Variants in POU6F2 observed in about 807,000 individuals in gnomAD.
POU6F2 encodes the protein POU class 6 homeobox 2.
POU6F2 carries 31 observed loss-of-function variants against 71.3 expected under a neutral mutation model. The observed-to-expected ratio is 0.43, with a 90% CI of 0.33 to 0.59. The LOEUF (loss-of-function observed/expected upper bound fraction) is 0.59, where lower values mean the gene tolerates loss of function less well. POU6F2 is among the 20% of genes least tolerant of loss of function. The probability of loss-of-function intolerance (pLI) is 0.04; values close to 1 mark genes in which losing one functional copy is unlikely to be tolerated. For synonymous variants in POU6F2, 347 were observed against 355.7 expected (o/e 0.98, Z 0.27); for missense variants, 783 against 856.8 (o/e 0.91, Z 1.07).
chr7:39,424,218 G>A (rs1787916271), intron 6 of POU6F2, among the ~76,000 whole-genome samples: 1 of 152,148 alleles, frequency 6.6e-6, no homozygotes, highest in African/African-American at 2.4e-5. Context: ...TGGACTTGAG[G>A]TTTCAACATG....
chr7:39,028,558 T>C (rs1273580653), intron 1 of POU6F2, among the ~76,000 whole-genome samples: 1 of 152,096 alleles, frequency 6.6e-6, no homozygotes, highest in Admixed American at 6.5e-5. Flanking sequence ...CTTTTAAAAA[T>C]TATTTATTTA....
At chr7:39,414,024 G>A (rs1303882827) in intron 6 of POU6F2, among the ~76,000 whole-genome samples, 1 of 152,160 alleles carries the variant, frequency 6.6e-6, no homozygotes, top group East Asian at 1.9e-4. Flanking sequence ...CCCACCCGCG[G>A]GCGGAGCCAG....
chr7:39,456,203 T>A (rs1788800877), intron 8 of POU6F2, among the ~76,000 whole-genome samples: 1 of 152,168 alleles, frequency 6.6e-6, no homozygotes, highest in South Asian at 2.1e-4. Flanking sequence ...TCTGAGGATT[T>A]TACCTGAAGT....
intron 7 of POU6F2, among the ~76,000 whole-genome samples, chr7:39,442,758 C>T (rs1788434335): frequency 6.6e-6 from 1 of 152,188 alleles, no homozygotes; most frequent in Admixed American, 6.5e-5. Flanking sequence ...TCTTTTGCTA[C>T]AATCTGCTAA....
At chr7:39,078,341 C>G (rs1791038704) in intron 1 of POU6F2, among the ~76,000 whole-genome samples, 1 of 152,134 alleles carries the variant, frequency 6.6e-6, no homozygotes, top group Non-Finnish European at 1.5e-5. Context: ...CTTGCTAGAC[C>G]ATTAATATTC....
chr7:39,191,488 T>C (rs183684946), intron 2 of POU6F2, among the ~76,000 whole-genome samples: 205 of 150,230 alleles, frequency 1.4e-3, no homozygotes, highest in African/African-American at 4.5e-3. Context: ...CTGTAAGTTA[T>C]AATCAGAGTC....
chr7:39,055,258 T>A (rs1314864751), intron 1 of POU6F2, among the ~76,000 whole-genome samples: 1 of 152,138 alleles, frequency 6.6e-6, no homozygotes, highest in African/African-American at 2.4e-5. Context: ...AGCTAAGCAA[T>A]GCTATGATTT....
intron 4 of POU6F2, among the ~76,000 whole-genome samples, chr7:39,246,986 A>G (rs1783833494): frequency 1.4e-5 from 2 of 138,556 alleles, no homozygotes; most frequent in South Asian, 4.6e-4. Flanking sequence ...ATCTCGGCTC[A>G]CTGCAACCTC....
intron 5 of POU6F2, among the ~76,000 whole-genome samples, chr7:39,356,713 G>A (rs1004100266): frequency 5.3e-5 from 8 of 152,112 alleles, no homozygotes; most frequent in Admixed American, 2.6e-4. Context: ...ATTTCTTGAC[G>A]AAGATAACGA....
intron 6 of POU6F2, 107 bp downstream of exon 6, chr7:39,406,847 CAAAT>C: frequency 7.1e-7 from 1 of 1,417,426 alleles, no homozygotes; most frequent in Non-Finnish European, 9.8e-7. Flanking sequence ...CTATTCGAGG[CAAAT>C]AAATAATGTT....
At chr7:39,289,168 C>T (rs1784702290) in intron 4 of POU6F2, among the ~76,000 whole-genome samples, 1 of 152,166 alleles carries the variant, frequency 6.6e-6, no homozygotes, top group Non-Finnish European at 1.5e-5. Context: ...CTCTGGAAGG[C>T]ATCACTGGCA....
At chr7:38,985,014 T>C (rs761569242) in intron 1 of POU6F2, 1 of 152,078 alleles carries the variant, frequency 6.6e-6, no homozygotes, top group Non-Finnish European at 1.5e-5. Flanking sequence ...TAGGTTTTTG[T>C]TGAGAGTAAA....
At chr7:39,427,401 AC>A (rs1196388618) in intron 6 of POU6F2, among the ~76,000 whole-genome samples, 1 of 152,148 alleles carries the variant, frequency 6.6e-6, no homozygotes, top group African/African-American at 2.4e-5. Context: ...AAGGAGAATT[AC>A]CTTTAATGGC....
At chr7:39,400,848 G>A (rs190195384) in intron 5 of POU6F2, among the ~76,000 whole-genome samples, 75 of 152,268 alleles carry the variant, frequency 4.9e-4, no homozygotes, top group Middle Eastern at 3.4e-3. Context: ...GAGTCAAAGC[G>A]TTGTAGGACT....
At chr7:39,284,005 G>A (rs10247785) in intron 4 of POU6F2, among the ~76,000 whole-genome samples, 2,655 of 152,214 alleles carry the variant, frequency 0.017, 42 homozygotes, top group Non-Finnish European at 0.025. Flanking sequence ...ACAAAAAAAG[G>A]ATGCAAATTT....
At chr7:39,263,372 T>G (rs1483252177) in intron 4 of POU6F2, among the ~76,000 whole-genome samples, 1 of 152,230 alleles carries the variant, frequency 6.6e-6, no homozygotes, top group African/African-American at 2.4e-5. Flanking sequence ...AAAGTTTAAA[T>G]CACACCTTCT....
At chr7:39,445,237 T>C (rs1788497103) in intron 7 of POU6F2, among the ~76,000 whole-genome samples, 1 of 152,222 alleles carries the variant, frequency 6.6e-6, no homozygotes. Context: ...CAATTTTTTC[T>C]CAAGCCACCC....
chr7:39,305,513 T>G (rs1470236977), intron 4 of POU6F2, among the ~76,000 whole-genome samples: 1 of 152,244 alleles, frequency 6.6e-6, no homozygotes. Flanking sequence ...TCACAAGCAT[T>G]CATGCCGCAA....
intron 4 of POU6F2, among the ~76,000 whole-genome samples, chr7:39,276,933 A>G (rs954078594): frequency 1.3e-5 from 2 of 151,450 alleles, no homozygotes; most frequent in Non-Finnish European, 2.9e-5. Context: ...GGATAGCATT[A>G]GGAGATATAC....
Sources: allele counts gnomAD v4.1 joint callset (sites outside exome capture counted in the v4.1 genomes callset), GRCh38; gene constraint gnomAD v4.1.1; transcripts MANE v1.5; gene names NCBI Gene and HGNC (gene_info 2026-07-23, HGNC 2026-07-21).